SEMA3E: variants seen among roughly 807,000 people sequenced by gnomAD.
SEMA3E encodes semaphorin 3E, also known as semaphorin-3E.
In SEMA3E, 49 loss-of-function variants were observed where a neutral mutation model predicts 93.6. The ratio of observed to expected loss-of-function variants is 0.52; its 90% CI spans 0.42 to 0.66. SEMA3E has a LOEUF of 0.66. SEMA3E is among the 30% of genes least tolerant of loss of function. The pLI is 0.00. For synonymous variants in SEMA3E, 363 were observed against 330.7 expected (o/e 1.10, Z -1.06); for missense variants, 906 against 964.8 (o/e 0.94, Z 0.81).
At chr7:83,614,775 T>A (rs996255199) in intron 1 of SEMA3E, among the ~76,000 whole-genome samples, 1 of 152,126 alleles carries the variant, frequency 6.6e-6, no homozygotes, top group Non-Finnish European at 1.5e-5. Flanking sequence ...GCTCACAGTT[T>A]CTGTGCACAA....
intron 1 of SEMA3E, among the ~76,000 whole-genome samples, chr7:83,503,481 T>C (rs2115612096): frequency 6.6e-6 from 1 of 152,286 alleles, no homozygotes; most frequent in South Asian, 2.1e-4. Context: ...ACTATTAAAG[T>C]TTAAATTTCT....
chr7:83,530,261 G>GA (rs1376908573), intron 1 of SEMA3E, among the ~76,000 whole-genome samples: 1 of 152,008 alleles, frequency 6.6e-6, no homozygotes, highest in Non-Finnish European at 1.5e-5. Flanking sequence ...TTATAGATTA[G>GA]AAAACTGAAG....
intron 16 of SEMA3E, among the ~76,000 whole-genome samples, chr7:83,378,345 G>C (rs1039835022): frequency 2.0e-5 from 3 of 151,728 alleles, no homozygotes; most frequent in African/African-American, 7.3e-5. Flanking sequence ...TCTCCCACAT[G>C]TTCTTTATTT....
intron 5 of SEMA3E, among the ~76,000 whole-genome samples, chr7:83,413,356 T>C (rs1437312907): frequency 1.3e-5 from 2 of 152,236 alleles, no homozygotes; most frequent in African/African-American, 4.8e-5. Context: ...GTTATAAATG[T>C]ATGTTATGCA....
At chr7:83,577,358 C>T (rs1792427600) in intron 1 of SEMA3E, among the ~76,000 whole-genome samples, 4 of 152,200 alleles carry the variant, frequency 2.6e-5, no homozygotes, top group African/African-American at 9.6e-5. Context: ...ATAATCATTA[C>T]TCTTTTAACT....
chr7:83,367,601 G>A lies in SEMA3E; in HGVS notation c.2313C>T (p.His771=). ...TCTCACCCCATCAGGAGTCCAGCGT[G>A]TGCCTGGGCAGGCGGTAATGCTCAG... ...SKPEHYRLPR[H]TLDS is the part of the protein sequence containing the mutation. Residue 771 remains histidine (H), a synonymous_variant, in exon 17 of 17, where the codon CAC becomes CAT. Transcript: ENST00000643230. 1 of 1,614,090 alleles carries A rather than the reference G, an allele frequency of 6.2e-7. No individual in the cohort carries two copies. The highest frequency in any genetic ancestry group is 2.2e-5 in the East Asian group (1 of 44,868).
At chr7:83,416,373 TGTCCC>T (rs1213510541) in intron 5 of SEMA3E, among the ~76,000 whole-genome samples, 1 of 152,062 alleles carries the variant, frequency 6.6e-6, no homozygotes, top group East Asian at 1.9e-4. Flanking sequence ...CACTTAGAAA[TGTCCC>T]TCCAGTAATA....
chr7:83,569,766 T>C (rs997449638), intron 1 of SEMA3E, among the ~76,000 whole-genome samples: 1 of 152,142 alleles, frequency 6.6e-6, no homozygotes, highest in African/African-American at 2.4e-5. Context: ...AGCCACACAA[T>C]AATAGTGGGA....
At chr7:83,504,096 A>G (rs1023426798) in intron 1 of SEMA3E, among the ~76,000 whole-genome samples, 1 of 152,192 alleles carries the variant, frequency 6.6e-6, no homozygotes, top group African/African-American at 2.4e-5. Flanking sequence ...GCAATCTGAC[A>G]TCTGAAATGG....
At chr7:83,567,760 T>G (rs907650791) in intron 1 of SEMA3E, among the ~76,000 whole-genome samples, 1 of 151,932 alleles carries the variant, frequency 6.6e-6, no homozygotes, top group Admixed American at 6.6e-5. Flanking sequence ...GCAAAACCAG[T>G]GCTGAGAGCA....
At chr7:83,464,377 C>A (rs1053552556) in intron 4 of SEMA3E, among the ~76,000 whole-genome samples, 2 of 149,812 alleles carry the variant, frequency 1.3e-5, no homozygotes, top group African/African-American at 4.9e-5. Flanking sequence ...AGACTGTGCC[C>A]CCAAAAACTT....
At chr7:83,606,861 A>G (rs1793133222) in intron 1 of SEMA3E, among the ~76,000 whole-genome samples, 1 of 152,210 alleles carries the variant, frequency 6.6e-6, no homozygotes, top group Admixed American at 6.5e-5. Context: ...GCCAATATTA[A>G]ATTACAAAAT....
intron 4 of SEMA3E, among the ~76,000 whole-genome samples, chr7:83,447,978 A>G (rs1789270446): frequency 6.6e-5 from 10 of 152,296 alleles, no homozygotes; most frequent in Admixed American, 5.9e-4. Flanking sequence ...CAAACACTCA[A>G]AATAAAGTTT....
At chr7:83,579,343 G>T (rs1792472833) in intron 1 of SEMA3E, among the ~76,000 whole-genome samples, 1 of 151,962 alleles carries the variant, frequency 6.6e-6, no homozygotes, top group African/African-American at 2.4e-5. Flanking sequence ...ACAGCTTCAG[G>T]TATTCTTTTT....
chr7:83,535,010 C>G (rs1791385186), intron 1 of SEMA3E, among the ~76,000 whole-genome samples: 3 of 152,118 alleles, frequency 2.0e-5, no homozygotes, highest in Non-Finnish European at 4.4e-5. Context: ...GTTCTGAAAC[C>G]CTGAAAATGG....
At chr7:83,425,500 G>A (rs551937047) in intron 4 of SEMA3E, among the ~76,000 whole-genome samples, 1 of 152,118 alleles carries the variant, frequency 6.6e-6, no homozygotes, top group Non-Finnish European at 1.5e-5. Context: ...CTGCTGCAAA[G>A]AGTCCTTTCT....
intron 14 of SEMA3E, among the ~76,000 whole-genome samples, chr7:83,392,268 A>C (rs1341799302): frequency 6.6e-6 from 1 of 151,930 alleles, no homozygotes; most frequent in African/African-American, 2.4e-5. Context: ...TTCTTTATTG[A>C]TTTTCCTTTT....
chr7:83,496,092 C>T (rs1790485276), intron 1 of SEMA3E, among the ~76,000 whole-genome samples: 1 of 151,904 alleles, frequency 6.6e-6, no homozygotes, highest in African/African-American at 2.4e-5. Context: ...ATCATTGTGA[C>T]ATCTCCTCAG....
At chr7:83,526,816 G>C (rs1791169695) in intron 1 of SEMA3E, among the ~76,000 whole-genome samples, 1 of 152,096 alleles carries the variant, frequency 6.6e-6, no homozygotes, top group South Asian at 2.1e-4. Flanking sequence ...TTATTCAACT[G>C]AATTTTTAAT....
Sources: allele counts gnomAD v4.1 joint callset (sites outside exome capture counted in the v4.1 genomes callset), GRCh38; gene constraint gnomAD v4.1.1; transcripts MANE v1.5; gene names NCBI Gene and HGNC (gene_info 2026-07-23, HGNC 2026-07-21).